The following DNAH9 variants were observed in gnomAD, a reference collection of about 807,000 sequenced individuals.
The protein encoded by DNAH9 is DNAH9 variant protein.
DNAH9 carries 345 observed loss-of-function variants against 471.6 expected under a neutral mutation model. That is an observed-to-expected ratio of 0.73 (90% CI 0.67 to 0.80). The LOEUF (loss-of-function observed/expected upper bound fraction) is 0.80. Among genes scored for constraint, DNAH9 ranks in the 30% least tolerant of loss-of-function variants. The pLI is 0.00. For synonymous variants in DNAH9, 2,093 were observed against 2,123.6 expected, an observed-to-expected ratio of 0.99 and a Z score of 0.40; for missense variants, 5,407 against 5,609.2, an observed-to-expected ratio of 0.96 and a Z score of 1.15.
intron 28 of DNAH9, among the ~76,000 whole-genome samples, chr17:11,728,368 G>A (rs1034690190): frequency 2.6e-5 from 4 of 152,094 alleles, no homozygotes; most frequent in Non-Finnish European, 5.9e-5. Context: ...GGCATGAATC[G>A]TTTTTGAATG....
chr17:11,831,310 G>A (rs928782308), intron 48 of DNAH9, among the ~76,000 whole-genome samples: 3 of 152,144 alleles, frequency 2.0e-5, no homozygotes, highest in Admixed American at 6.5e-5. Context: ...GCTGATGTGT[G>A]CAGATATCAC....
intron 1 of DNAH9, among the ~76,000 whole-genome samples, chr17:11,599,647 C>G (rs2072342955): frequency 6.6e-6 from 1 of 152,116 alleles, no homozygotes; most frequent in Non-Finnish European, 1.5e-5. Flanking sequence ...TTCGAGAATG[C>G]AGGAGATTTC....
chr17:11,690,345 T>G lies in DNAH9; in HGVS notation c.4523T>G (p.Val1508Gly). 1 of 1,614,138 alleles carries G rather than the reference T, an allele frequency of 6.2e-7. No homozygotes were observed. ...WQKKLSTVDA[V>G]ISIWFEVQRT... ...AAGAAGCTGTCCACAGTGGACGCTGTCATCTCTATCTGGTTTGAAGTGCAG... is the reference window on the plus strand; with the variant it reads ...AAGAAGCTGTCCACAGTGGACGCTGGCATCTCTATCTGGTTTGAAGTGCAG... The change falls in exon 20 of 69, where the codon GTC becomes GGC. Residue 1508 changes from valine to glycine, a missense_variant. Val to Gly is a moderately radical substitution (Grantham distance 109). Coordinates refer to ENST00000262442, the MANE Select transcript of DNAH9 (RefSeq NM_001372.4).
chr17:11,620,243 G>A (rs1307812621), intron 6 of DNAH9, among the ~76,000 whole-genome samples: 5 of 151,624 alleles, frequency 3.3e-5, no homozygotes, highest in South Asian at 2.1e-4. Context: ...CCAGGCATGC[G>A]GTGGCTCATG....
At chr17:11,788,760 A>C (rs1250362147) in intron 41 of DNAH9, among the ~76,000 whole-genome samples, 6 of 152,172 alleles carry the variant, frequency 3.9e-5, no homozygotes, top group African/African-American at 1.4e-4. Flanking sequence ...TGCTGGCTAC[A>C]ACTCAAGTAC....
chr17:11,883,879 C>G, intron 56 of DNAH9, 129 bp downstream of exon 56: 1 of 1,062,504 alleles, frequency 9.4e-7, no homozygotes, highest in Non-Finnish European at 1.3e-6. Context: ...TCTGTCTTAG[C>G]AAGGTTCTTC....
At chr17:11,633,719 C>G (rs988928048) in intron 8 of DNAH9, among the ~76,000 whole-genome samples, 1 of 152,178 alleles carries the variant, frequency 6.6e-6, no homozygotes. Context: ...ATGATTGAAA[C>G]TCTGCTGCTC....
intron 14 of DNAH9, among the ~76,000 whole-genome samples, chr17:11,662,199 A>T (rs1249578412): frequency 6.6e-6 from 1 of 152,086 alleles, no homozygotes; most frequent in Non-Finnish European, 1.5e-5. Flanking sequence ...TCTATATGTA[A>T]TGTATTATTT....
At chr17:11,961,829 C>A (rs376103728) in intron 67 of DNAH9, 38 bp from the exon 68 acceptor site, 1 of 1,555,162 alleles carries the variant, frequency 6.4e-7, no homozygotes, top group African/African-American at 1.4e-5. Flanking sequence ...GGACTTCCCA[C>A]CTTCTCACGC....
chr17:11,609,069 T>C (rs1415011837), intron 2 of DNAH9, among the ~76,000 whole-genome samples: 1 of 152,214 alleles, frequency 6.6e-6, no homozygotes, highest in Non-Finnish European at 1.5e-5. Context: ...CTCTATGTGC[T>C]TGTGGCAACG....
intron 50 of DNAH9, among the ~76,000 whole-genome samples, chr17:11,867,535 C>CT (rs1475951318): frequency 6.6e-6 from 1 of 152,110 alleles, no homozygotes; most frequent in East Asian, 1.9e-4. Flanking sequence ...CATCTTGAAT[C>CT]TGTCTGAGAA....
Position 11,932,060 on chromosome 17 carries a change from T to C in DNAH9, c.12152T>C (p.Leu4051Pro). 1 of 1,614,196 alleles carries C rather than the reference T, an allele frequency of 6.2e-7. No individual in the cohort carries two copies. Among genetic ancestry groups the C allele is most frequent in the Non-Finnish European group, 8.5e-7 (1 of 1,180,040 alleles). The change falls in exon 64 of 69, where the codon CTC becomes CCC. Residue 4051 changes from leucine (L) to proline (P), a missense_variant. Physicochemically the swap from Leu to Pro is moderately conservative, Grantham distance 98. Transcript: ENST00000262442. The surrounding 1 kb of genome is among the most constrained non-coding windows in gnomAD (Gnocchi z 4.3). ...CGGGAGACGGAGTTTAAGAGCATCC[T>C]CTTTGCTCTTTGTTACTTCCATGCG... The part of the protein sequence containing the change: ...CSRETEFKSI[L>P]FALCYFHAVV...
At chr17:11,907,092 G>A (rs1279917013) in intron 61 of DNAH9, among the ~76,000 whole-genome samples, 6 of 152,170 alleles carry the variant, frequency 3.9e-5, no homozygotes, top group African/African-American at 7.2e-5. Flanking sequence ...AGGGGTGGTG[G>A]AGACCAAGGT....
chr17:11,854,342 G>A lies in DNAH9; in HGVS notation c.9847G>A (p.Glu3283Lys), dbSNP rs1285818767. 2 of 1,613,916 alleles carry A rather than the reference G, an allele frequency of 1.2e-6. No homozygotes were observed. The highest frequency in any genetic ancestry group is 2.2e-5 in the East Asian group (1 of 44,872). The change falls in exon 50 of 69, where the codon GAA (glutamate) becomes AAA (lysine). Residue 3283 changes from glutamate (E) to lysine (K), a missense_variant. Physicochemically the swap from Glu to Lys is moderately conservative, Grantham distance 56 (BLOSUM62 1). This residue lies in a region of DNAH9 where 4,636 missense variants were observed against 4,900.3 expected (regional missense o/e 0.95). Coordinates refer to ENST00000262442, the MANE Select transcript of DNAH9 (RefSeq NM_001372.4). ...ATTTTATGAGGTGTTCTGTGATGTG[G>A]AACCCAAGCGCCAGGCACTGAACAA... ...VRFYEVFCDV[E>K]PKRQALNKAT...
At position 11,854,036 on chromosome 17, in the gene DNAH9, C is replaced by G; in HGVS notation, c.9541C>G (p.Pro3181Ala). The change falls in exon 50 of 69, where the codon CCG becomes GCG. Residue 3181 changes from proline (P) to alanine (A), a missense_variant. Physicochemically the swap from Pro to Ala is conservative, Grantham distance 27 (BLOSUM62 -1). Around this residue, in one of 3 missense-constraint regions of DNAH9, gnomAD observed 4,636 missense variants for 4,900.3 expected, o/e 0.95. Coordinates refer to ENST00000262442, the MANE Select transcript of DNAH9 (RefSeq NM_001372.4). ...GACAGAGCTGAAGTCATTTGGCTCT[C>G]CGCCTCTGGCCGTCAGCAATGTCAG... The part of the protein sequence containing the change: ...NLTELKSFGS[P>A]PLAVSNVSAA... The G allele has an allele frequency of 6.2e-7, 1 of 1,614,172 alleles. No homozygotes were observed. The highest frequency in any genetic ancestry group is 8.5e-7 in the Non-Finnish European group (1 of 1,180,018).
rs528744871 is a variant in DNAH9 at position 11,826,361 on chromosome 17, G to GGT, written c.9246+3328_9246+3329insTG. Among the ~76,000 whole-genome samples the GGT allele has an allele frequency of 3.5e-3, 535 of 151,618 alleles. 3 individuals carry two copies. Among genetic ancestry groups the GGT allele is most frequent in the Middle Eastern group, 6.8e-3 (2 of 294 alleles). On this transcript the variant is annotated intron_variant, in intron 48 of 68. Transcript: ENST00000262442. ...TCCAATTCCCCAGGCCGGAAGCTGG[G>GGT]GGGGTAATTTTAGACTCTTCCCTTT...
intron 59 of DNAH9, among the ~76,000 whole-genome samples, chr17:11,899,894 G>A (rs538520511): frequency 1.7e-4 from 26 of 152,234 alleles, no homozygotes; most frequent in African/African-American, 5.5e-4. Flanking sequence ...GGTCTAAGGC[G>A]TACAAAGAGG....
chr17:11,688,554 AG>A (rs1255862367), intron 19 of DNAH9, among the ~76,000 whole-genome samples: 2 of 152,226 alleles, frequency 1.3e-5, no homozygotes, highest in African/African-American at 2.4e-5. Flanking sequence ...AAGCTGATGC[AG>A]GCACCAGTGT....
At chr17:11,935,749 A>T (rs1974692197) in intron 65 of DNAH9, among the ~76,000 whole-genome samples, 2 of 152,190 alleles carry the variant, frequency 1.3e-5, no homozygotes, top group Admixed American at 1.3e-4. Flanking sequence ...ATAAAACATA[A>T]GGGAAATATT....
Sources: allele counts gnomAD v4.1 joint callset (sites outside exome capture counted in the v4.1 genomes callset), GRCh38; gene constraint gnomAD v4.1.1; regional missense constraint gnomAD v4.1.1; non-coding constraint Gnocchi (gnomAD v3.1); transcripts MANE v1.5; gene names NCBI Gene and HGNC (gene_info 2026-07-23, HGNC 2026-07-21).